The following DISP1 variants were observed in gnomAD, a reference collection of about 807,000 sequenced individuals.
DISP1 encodes protein dispatched homolog 1.
Under a neutral mutation model 37.3 loss-of-function variants are expected in DISP1, and 30 were observed. The ratio of observed to expected loss-of-function variants is 0.80; its 90% CI spans 0.60 to 1.09. The LOEUF (loss-of-function observed/expected upper bound fraction) is 1.09, where lower values mean the gene tolerates loss of function less well. DISP1 is among the 50% of genes least tolerant of loss of function. The pLI, the probability that DISP1 is intolerant of heterozygous loss-of-function variation, is 0.00. For missense variants in DISP1, 1,598 were observed against 1,879.5 expected (o/e 0.85, Z 2.77); for synonymous variants, 634 against 690.2 (o/e 0.92, Z 1.28).
At chr1:222,921,702 A>G (rs1057424868) in intron 1 of DISP1, among the ~76,000 whole-genome samples, 17 of 152,216 alleles carry the variant, frequency 1.1e-4, no homozygotes, top group African/African-American at 3.9e-4. Flanking sequence ...ATTCTGCTTA[A>G]TAAAGGATAT....
chr1:222,894,330 T>C (rs565953861), intron 1 of DISP1, among the ~76,000 whole-genome samples: 1 of 152,286 alleles, frequency 6.6e-6, no homozygotes, highest in South Asian at 2.1e-4. Context: ...CCCAGGCTGT[T>C]CCTGCAGAGA....
At chr1:222,947,825 T>C (rs145955055) in intron 3 of DISP1, among the ~76,000 whole-genome samples, 2 of 152,020 alleles carry the variant, frequency 1.3e-5, no homozygotes, top group East Asian at 3.9e-4. Flanking sequence ...GTTTGCATTG[T>C]GGAGAGTAGA....
chr1:222,835,049 A>G (rs1268478057), intron 1 of DISP1: 1 of 151,888 alleles, frequency 6.6e-6, no homozygotes, highest in Non-Finnish European at 1.5e-5. Flanking sequence ...GAACATTCCA[A>G]ATGTTGTTGG....
chr1:222,973,795 C>T (rs370918473), intron 3 of DISP1, among the ~76,000 whole-genome samples: 4 of 152,330 alleles, frequency 2.6e-5, no homozygotes, highest in African/African-American at 7.2e-5. Context: ...ACCTCATAGC[C>T]TGCATCAGTG....
At chr1:222,932,481 A>T (rs1673460826) in intron 2 of DISP1, among the ~76,000 whole-genome samples, 1 of 151,966 alleles carries the variant, frequency 6.6e-6, no homozygotes, top group Admixed American at 6.6e-5. Flanking sequence ...TTAGATAACT[A>T]CTTATATAGG....
chr1:223,002,431 C>A lies in DISP1; in HGVS notation c.1034C>A (p.Ala345Asp). The stretch of plus-strand genomic sequence containing the variant: ...GGTGATCTCTGCCAGAGGACCACTG[C>A]TGCCTCCTGCTGCCCCAGCTGGACA... ...QFGDLCQRTTAASCCPSWTLG... is the reference protein window; with the variant it reads ...QFGDLCQRTTDASCCPSWTLG... The change falls in exon 9 of 9, where the codon GCT becomes GAT. Residue 345 changes from alanine to aspartate, a missense_variant. Transcript: ENST00000675850. 6.2e-7 allele frequency: 1 copy of A among 1,614,164 alleles called. No individual in the cohort carries two copies. The highest frequency in any genetic ancestry group is 8.5e-7 in the Non-Finnish European group (1 of 1,180,028).
Position 223,003,835 on chromosome 1 carries a change from A to G in DISP1, c.2438A>G (p.Asp813Gly), listed in dbSNP as rs773219773. 3 of 1,614,256 alleles carry G rather than the reference A, an allele frequency of 1.9e-6. No individual in the cohort carries two copies. Among genetic ancestry groups the G allele is most frequent in the East Asian group, 2.2e-5 (1 of 44,890 alleles). Residue 813 changes from aspartate (D) to glycine (G), a missense_variant, in exon 9 of 9, where the codon GAT (aspartate) becomes GGT (glycine). Transcript: ENST00000675850. The surrounding 1 kb of genome is among the most constrained non-coding windows in gnomAD (Gnocchi z 4.3). ...NPKSKGKLTL[D>G]SSFNIASPAS... ...AAGAGTAAAGGGAAGTTGACATTAG[A>G]TAGCAGTTTTAACATCGCCAGCCCA...
At chr1:222,838,742 G>A (rs1179515261) in intron 1 of DISP1, among the ~76,000 whole-genome samples, 1 of 152,206 alleles carries the variant, frequency 6.6e-6, no homozygotes, top group East Asian at 1.9e-4. Context: ...CTGCACTCCA[G>A]CTTGTGCAAC....
chr1:222,903,305 G>T (rs183413787), intron 1 of DISP1, among the ~76,000 whole-genome samples: 2 of 117,994 alleles, frequency 1.7e-5, no homozygotes, highest in Non-Finnish European at 3.5e-5. Flanking sequence ...TTGTGGGGTG[G>T]GGGGAGGGGG....
chr1:222,972,765 C>A (rs757153062), intron 3 of DISP1, among the ~76,000 whole-genome samples: 3 of 152,162 alleles, frequency 2.0e-5, no homozygotes, highest in Non-Finnish European at 4.4e-5. Flanking sequence ...AATGTTTGTA[C>A]TGTACCTATA....
intron 1 of DISP1, among the ~76,000 whole-genome samples, chr1:222,834,658 C>T (rs1572265127): frequency 6.6e-6 from 1 of 152,064 alleles, no homozygotes; most frequent in Non-Finnish European, 1.5e-5. Context: ...ATCAGCATTC[C>T]TGTGGTGATA....
In DISP1 at chr1:223,004,577, C is replaced by A; in HGVS notation, c.3180C>A (p.Tyr1060Ter). ...VDFAVHYGVAYRLAPDPDREG... is the reference protein window; with the variant it reads ...VDFAVHYGVA ...TTGCCGTCCATTATGGGGTTGCCTA[C>A]CGCTTGGCTCCAGATCCCGACCGAG... The change falls in exon 9 of 9, where the codon TAC becomes TAA. Residue 1060 changes from tyrosine to a stop codon, truncating the protein, a stop_gained. Transcript: ENST00000675850. LOFTEE classifies it low-confidence loss of function (END_TRUNC). This position sits in a 1 kb window ranked among gnomAD's most constrained non-coding sequence, Gnocchi z 4.9. 2.5e-6 allele frequency: 4 copies of A among 1,614,188 alleles called. No homozygotes were observed. The highest frequency in any genetic ancestry group is 3.4e-6 in the Non-Finnish European group (4 of 1,180,034).
intron 1 of DISP1, among the ~76,000 whole-genome samples, chr1:222,870,775 G>A (rs553131797): frequency 1.3e-5 from 2 of 152,276 alleles, no homozygotes; most frequent in South Asian, 4.1e-4. Context: ...CTTTTGCTGT[G>A]CAGAAGCTCT....
In DISP1 at chr1:223,005,018, G is replaced by T. The variant is rs776465037; in HGVS notation, c.3621G>T (p.Lys1207Asn). The T allele has an allele frequency of 3.1e-6, 5 of 1,614,060 alleles. No homozygotes were observed. Among genetic ancestry groups the T allele is most frequent in the Non-Finnish European group, 4.2e-6 (5 of 1,180,044 alleles). Residue 1207 changes from lysine (K) to asparagine (N), a missense_variant, in exon 9 of 9, where the codon AAG becomes AAT. By Grantham distance (94) the Lys-to-Asn change is moderately conservative. Transcript: ENST00000675850. ...LASHSCTAPE[K>N]TTYEETHICS... is the part of the protein sequence containing the mutation. ...CCCACAGCTGCACTGCCCCTGAGAA[G>T]ACCACTTATGAAGAGACCCACATCT...
At chr1:222,987,729 T>C (rs902171044) in intron 4 of DISP1, among the ~76,000 whole-genome samples, 3 of 152,222 alleles carry the variant, frequency 2.0e-5, no homozygotes, top group Non-Finnish European at 2.9e-5. Flanking sequence ...CTGCCCTCTA[T>C]TGATAACATG....
intron 1 of DISP1, among the ~76,000 whole-genome samples, chr1:222,843,347 CATT>C (rs1488508382): frequency 6.6e-6 from 1 of 151,848 alleles, no homozygotes; most frequent in Admixed American, 6.6e-5. Context: ...AAATAAGTGA[CATT>C]ATTTAAAATA....
chr1:222,968,513 C>T (rs571918718), intron 3 of DISP1, among the ~76,000 whole-genome samples: 5 of 152,260 alleles, frequency 3.3e-5, no homozygotes, highest in East Asian at 1.9e-4. Context: ...TGAATTTGGA[C>T]GGTTCAGCCA....
intron 1 of DISP1, among the ~76,000 whole-genome samples, chr1:222,860,467 GGAA>G (rs1668816206): frequency 6.6e-6 from 1 of 152,122 alleles, no homozygotes; most frequent in Admixed American, 6.5e-5. Flanking sequence ...GAGAAAGCAG[GGAA>G]GAAGAATGCT....
intron 1 of DISP1, among the ~76,000 whole-genome samples, chr1:222,917,788 T>C (rs1036398736): frequency 6.6e-6 from 1 of 151,990 alleles, no homozygotes; most frequent in South Asian, 2.1e-4. Context: ...CTGTGAGATG[T>C]ACAAAAAACT....
Sources: allele counts gnomAD v4.1 joint callset (sites outside exome capture counted in the v4.1 genomes callset), GRCh38; gene constraint gnomAD v4.1.1; non-coding constraint Gnocchi (gnomAD v3.1); transcripts MANE v1.5; gene names NCBI Gene and HGNC (gene_info 2026-07-23, HGNC 2026-07-21).